Variants in CNTLN observed in about 807,000 individuals in gnomAD.
CNTLN encodes the protein centlein, centrosomal protein.
In CNTLN, 212 loss-of-function variants were observed where a neutral mutation model predicts 180.0. The observed-to-expected ratio is 1.18, with a 90% CI of 1.05 to 1.32. The LOEUF (loss-of-function observed/expected upper bound fraction) is 1.32. Among genes scored for constraint, CNTLN ranks in the 40% most tolerant of loss-of-function variants. The probability of loss-of-function intolerance (pLI) is 0.00; values close to 1 mark genes in which losing one functional copy is unlikely to be tolerated. For synonymous variants in CNTLN, 722 were observed against 563.1 expected (o/e 1.28, Z -3.99); for missense variants, 2,095 against 1,610.9 (o/e 1.30, Z -5.14).
intron 8 of CNTLN, among the ~76,000 whole-genome samples, chr9:17,312,365 T>TATATATATATATATATA (rs1819222236): frequency 2.8e-4 from 2 of 7,214 alleles, no homozygotes; most frequent in African/African-American, 4.6e-4. Context: ...ATATATATAT[T>TATATATATATATATATA]ATATATATAT....
intron 23 of CNTLN, among the ~76,000 whole-genome samples, chr9:17,473,819 T>C (rs2134251423): frequency 6.6e-6 from 1 of 152,304 alleles, no homozygotes; most frequent in East Asian, 1.9e-4. Flanking sequence ...AACCTCCATA[T>C]TGCCCAATCT....
chr9:17,457,628 G>A lies in CNTLN; in HGVS notation c.3219G>A (p.Gln1073=), dbSNP rs767071899. The change falls in exon 19 of 26, where the codon CAG becomes CAA. Residue 1073 remains glutamine (Q), a synonymous_variant. Coordinates refer to ENST00000380647, the MANE Select transcript of CNTLN (RefSeq NM_017738.4). ...EITSLAEENS[Q]VTFPRIQVTS... Reference sequence around the variant, plus strand: ...CAAGTTTGGCAGAAGAAAATTCCCAGGTAACATTTCCACGGATACAAGTTA... The same window carrying A: ...CAAGTTTGGCAGAAGAAAATTCCCAAGTAACATTTCCACGGATACAAGTTA... The A allele has an allele frequency of 5.1e-6, 8 of 1,564,136 alleles. No homozygotes were observed. The Admixed American group carries it at 1.2e-4, about 24-fold the overall frequency.
chr9:17,153,824 C>T (rs1819068920), intron 2 of CNTLN, among the ~76,000 whole-genome samples: 1 of 152,170 alleles, frequency 6.6e-6, no homozygotes, highest in South Asian at 2.1e-4. Context: ...TTCACATAGT[C>T]CCATATTTCT....
At chr9:17,261,351 A>T (rs1448739987) in intron 5 of CNTLN, among the ~76,000 whole-genome samples, 8 of 151,298 alleles carry the variant, frequency 5.3e-5, no homozygotes, top group Non-Finnish European at 5.9e-5. Flanking sequence ...GATTTCTCTT[A>T]TCAGTGTTTT....
chr9:17,414,218 G>A (rs1291443281), intron 16 of CNTLN, among the ~76,000 whole-genome samples: 1 of 152,064 alleles, frequency 6.6e-6, no homozygotes, highest in Non-Finnish European at 1.5e-5. Flanking sequence ...ACTTTTGTAT[G>A]GTCTCTGAAT....
intron 9 of CNTLN, 106 bp from the exon 10 acceptor site, chr9:17,332,499 T>A (rs896177155): frequency 6.2e-6 from 6 of 967,692 alleles, no homozygotes; most frequent in African/African-American, 3.7e-5. Context: ...TTTTTTTTTT[T>A]TATAATTCAT....
chr9:17,199,540 C>G (rs545754466), intron 2 of CNTLN, among the ~76,000 whole-genome samples: 1 of 152,280 alleles, frequency 6.6e-6, no homozygotes, highest in Middle Eastern at 3.4e-3. Flanking sequence ...ACCATTCTAA[C>G]TGGCATGAGA....
chr9:17,207,020 A>C (rs963502220), intron 2 of CNTLN, among the ~76,000 whole-genome samples: 6 of 152,124 alleles, frequency 3.9e-5, no homozygotes, highest in Non-Finnish European at 7.4e-5. Context: ...TCTGGAGCCC[A>C]GGCTGTTGCT....
At chr9:17,362,847 T>C (rs868277983) in intron 12 of CNTLN, among the ~76,000 whole-genome samples, 20 of 152,152 alleles carry the variant, frequency 1.3e-4, no homozygotes, top group African/African-American at 4.6e-4. Context: ...CATCAACCCA[T>C]CATCTACATT....
intron 6 of CNTLN, among the ~76,000 whole-genome samples, chr9:17,278,480 TC>T (rs1828456965): frequency 6.6e-6 from 1 of 151,972 alleles, no homozygotes; most frequent in Admixed American, 6.6e-5. Flanking sequence ...TCAGTCTACC[TC>T]TGTGTCTTTC....
intron 2 of CNTLN, among the ~76,000 whole-genome samples, chr9:17,193,028 T>A (rs1821891438): frequency 6.6e-6 from 1 of 152,060 alleles, no homozygotes; most frequent in Non-Finnish European, 1.5e-5. Context: ...AAACCCCTGA[T>A]AAAACCATCA....
chr9:17,316,545 A>T (rs1215061645), intron 8 of CNTLN, among the ~76,000 whole-genome samples: 1 of 152,044 alleles, frequency 6.6e-6, no homozygotes, highest in Non-Finnish European at 1.5e-5. Context: ...ATCTGGTTTT[A>T]GCCATATCAT....
intron 18 of CNTLN, among the ~76,000 whole-genome samples, chr9:17,448,792 A>G (rs1176720706): frequency 6.6e-6 from 1 of 152,194 alleles, no homozygotes; most frequent in Non-Finnish European, 1.5e-5. Flanking sequence ...AACTCCAGTA[A>G]CAAAAAAATA....
intron 13 of CNTLN, among the ~76,000 whole-genome samples, chr9:17,372,710 T>G (rs1824428952): frequency 6.6e-6 from 1 of 152,110 alleles, no homozygotes; most frequent in Non-Finnish European, 1.5e-5. Context: ...TGATGAACAT[T>G]GATGCAGAAA....
chr9:17,295,338 G>A (rs552658658), intron 6 of CNTLN, among the ~76,000 whole-genome samples: 2 of 152,332 alleles, frequency 1.3e-5, no homozygotes, highest in African/African-American at 4.8e-5. Context: ...CGAGGCCAAG[G>A]TGGCGCGGAG....
At chr9:17,469,494 A>G (rs1680104008) in intron 23 of CNTLN, among the ~76,000 whole-genome samples, 1 of 151,774 alleles carries the variant, frequency 6.6e-6, no homozygotes, top group African/African-American at 2.4e-5. Context: ...GTCCTTGCAC[A>G]TATGGCCCTA....
chr9:17,424,682 T>C (rs750325366), intron 18 of CNTLN, among the ~76,000 whole-genome samples: 2 of 152,186 alleles, frequency 1.3e-5, no homozygotes, highest in Non-Finnish European at 2.9e-5. Context: ...TAAATTCTTA[T>C]GTTGATTAGA....
chr9:17,262,037 G>C (rs145983173), intron 5 of CNTLN, among the ~76,000 whole-genome samples: 2 of 151,376 alleles, frequency 1.3e-5, no homozygotes, highest in Admixed American at 6.6e-5. Context: ...ACCATCTCAC[G>C]CCAGTTAGAA....
At chr9:17,201,716 T>G (rs1822543358) in intron 2 of CNTLN, among the ~76,000 whole-genome samples, 1 of 152,148 alleles carries the variant, frequency 6.6e-6, no homozygotes, top group African/African-American at 2.4e-5. Flanking sequence ...TATTTTATTC[T>G]TCTCTCTTTT....
Sources: gnomAD v4.1 joint callset for allele counts (sites outside exome capture counted in the v4.1 genomes callset) on GRCh38, gnomAD v4.1.1 for gene constraint, MANE v1.5 for transcripts, NCBI Gene and HGNC (gene_info 2026-07-23, HGNC 2026-07-21) for gene names.